Variants in MYH10 observed in about 807,000 individuals in gnomAD.
The protein encoded by MYH10 is myosin heavy chain 10, also known as myosin-10.
Under a neutral mutation model 257.8 loss-of-function variants are expected in MYH10, and 55 were observed. That is an observed-to-expected ratio of 0.21 (90% CI 0.17 to 0.27). The LOEUF (loss-of-function observed/expected upper bound fraction) is 0.27, where lower values mean the gene tolerates loss of function less well. Among genes scored for constraint, MYH10 ranks in the 10% least tolerant of loss-of-function variants. The pLI is 1.00. For missense variants in MYH10, 1,631 were observed against 2,500.6 expected, an observed-to-expected ratio of 0.65 and a Z score of 7.42; for synonymous variants, 854 against 921.7, an observed-to-expected ratio of 0.93 and a Z score of 1.33.
At chr17:8,629,896 C>T (rs1356036502) in intron 1 of MYH10, among the ~76,000 whole-genome samples, 1 of 151,686 alleles carries the variant, frequency 6.6e-6, no homozygotes. Flanking sequence ...TTCCCCGGCG[C>T]CGGCGGAGTC....
intron 36 of MYH10, 147 bp downstream of exon 36, chr17:8,487,286 C>T: frequency 1.1e-6 from 1 of 891,936 alleles, no homozygotes; most frequent in Non-Finnish European, 1.8e-6. Flanking sequence ...ACAGCGGACA[C>T]ACAAGCACTC....
intron 12 of MYH10, 124 bp downstream of exon 12, chr17:8,546,420 T>G: frequency 1.4e-6 from 1 of 703,676 alleles, no homozygotes; most frequent in Non-Finnish European, 2.3e-6. Context: ...ACTCATTTAG[T>G]ACCTAAAAAC....
At position 8,548,801 on chromosome 17, in the gene MYH10, T is replaced by A. The variant is rs933391132; in HGVS notation, c.920-14A>T. On this transcript the variant is annotated splice_polypyrimidine_tract_variant and intron_variant, in intron 9 of 42. Coordinates refer to ENST00000360416, the MANE Select transcript of MYH10 (RefSeq NM_001256012.3). ...GAAGCAAATCAGCTAAAAGGAAATA[T>A]AATGGAAGAAAATTTGATAAATACT... 6.2e-7 allele frequency: 1 copy of A among 1,600,312 alleles called. No homozygotes were observed. Among genetic ancestry groups the A allele is most frequent in the South Asian group, 1.1e-5 (1 of 90,600 alleles).
At chr17:8,512,777 T>C in intron 23 of MYH10, 120 bp from the exon 24 acceptor site, 2 of 770,450 alleles carry the variant, frequency 2.6e-6, no homozygotes, top group African/African-American at 1.8e-5. Context: ...ATATATAACA[T>C]CACGGGAAGA....
intron 4 of MYH10, among the ~76,000 whole-genome samples, chr17:8,588,421 A>G (rs2083992601): frequency 6.6e-6 from 1 of 152,162 alleles, no homozygotes; most frequent in Admixed American, 6.5e-5. Context: ...CCATGTTCCC[A>G]TGTCAGGAGA....
At chr17:8,539,519 G>A (rs2082235686) in intron 14 of MYH10, among the ~76,000 whole-genome samples, 1 of 152,180 alleles carries the variant, frequency 6.6e-6, no homozygotes, top group African/African-American at 2.4e-5. Flanking sequence ...CCAAGGCCAT[G>A]CTATATACTA....
Position 8,487,588 on chromosome 17 carries a change from C to G in MYH10, c.4891G>C (p.Glu1631Gln). The change falls in exon 36 of 43, where the codon GAG becomes CAG. Residue 1631 changes from glutamate (E) to glutamine (Q), a missense_variant. This residue lies in a region of MYH10 where 463 missense variants were observed against 621.8 expected (regional missense o/e 0.74). Transcript: ENST00000360416. ...KKRLLIKQVR[E>Q]LEAELEDERK... Reference sequence around the variant, plus strand: ...TCATCCTCCAGCTCCGCCTCGAGCTCCCGCACCTAATGGACAACATCGGGT... The same window carrying G: ...TCATCCTCCAGCTCCGCCTCGAGCTGCCGCACCTAATGGACAACATCGGGT... 1 of 1,614,184 alleles carries G rather than the reference C, an allele frequency of 6.2e-7. No homozygotes were observed. The highest frequency in any genetic ancestry group is 8.5e-7 in the Non-Finnish European group (1 of 1,180,046).
chr17:8,594,235 AG>A (rs2084276947), intron 3 of MYH10, among the ~76,000 whole-genome samples: 1 of 152,244 alleles, frequency 6.6e-6, no homozygotes, highest in Admixed American at 6.5e-5. Flanking sequence ...GAAAGGACAA[AG>A]AACTCTCAAA....
chr17:8,599,852 A>G lies in MYH10; in HGVS notation c.502+4974T>C, dbSNP rs888426762. Reference sequence around the variant, plus strand: ...CATCAGAGGTGAAGGACTAGGTAAGACCAGCCTTTGACAGGAGTAGACACA... The same window carrying G: ...CATCAGAGGTGAAGGACTAGGTAAGGCCAGCCTTTGACAGGAGTAGACACA... On this transcript the variant is annotated intron_variant, in intron 3 of 42. Transcript: ENST00000360416. Among the ~76,000 whole-genome samples, 4 of 152,196 alleles carry G rather than the reference A, an allele frequency of 2.6e-5. No individual in the cohort carries two copies. In the South Asian group the frequency reaches 8.3e-4, roughly 32 times the overall value.
intron 24 of MYH10, chr17:8,511,031 T>TATATATAC (rs1555578931): frequency 3.9e-4 from 2 of 5,114 alleles, no homozygotes; most frequent in South Asian, 0.014. Flanking sequence ...TATATATATA[T>TATATATAC]ATATATATAT....
chr17:8,523,515 G>A (rs796993240), intron 17 of MYH10, among the ~76,000 whole-genome samples: 1 of 152,140 alleles, frequency 6.6e-6, no homozygotes, highest in Non-Finnish European at 1.5e-5. Context: ...CACTCCAGTC[G>A]GTGCAATCAG....
In MYH10 at chr17:8,535,174, T is replaced by C. The variant is rs756025033; in HGVS notation, c.1894+213A>G. Among the ~76,000 whole-genome samples, 1 of 152,230 alleles carries C rather than the reference T, an allele frequency of 6.6e-6. No individual in the cohort carries two copies. The highest frequency in any genetic ancestry group is 1.5e-5 in the Non-Finnish European group (1 of 68,038). ...AATGTTTCTGTACTCCTACAACATCTGACCAAGAAGGTAGCTGTCTCTGTA... is the reference window on the plus strand; with the variant it reads ...AATGTTTCTGTACTCCTACAACATCCGACCAAGAAGGTAGCTGTCTCTGTA... On this transcript the variant is annotated intron_variant, in intron 16 of 42. Coordinates refer to ENST00000360416, the MANE Select transcript of MYH10 (RefSeq NM_001256012.3). This position sits in a 1 kb window ranked among gnomAD's most constrained non-coding sequence, Gnocchi z 4.3.
At chr17:8,520,650 T>C (rs530999135) in intron 19 of MYH10, among the ~76,000 whole-genome samples, 22 of 152,326 alleles carry the variant, frequency 1.4e-4, no homozygotes, top group African/African-American at 4.1e-4. Context: ...GCAGCGCCCA[T>C]AGCAGTTCCT....
chr17:8,562,774 CAT>C (rs1277564141), intron 7 of MYH10, among the ~76,000 whole-genome samples: 1 of 152,194 alleles, frequency 6.6e-6, no homozygotes, highest in Non-Finnish European at 1.5e-5. Context: ...AGAATTCTCT[CAT>C]ATATAATCAA....
In MYH10 at chr17:8,490,317, G is replaced by A. The variant is rs190961207; in HGVS notation, c.4884+23C>T. ...TTTGAGAGCCTGCACCCCTTGTTGT[G>A]GAGGCCGCACCCTCTGCCCTACCTG... On this transcript the variant is annotated intron_variant, in intron 35 of 42. Coordinates refer to ENST00000360416, the MANE Select transcript of MYH10 (RefSeq NM_001256012.3). This position sits in a 1 kb window ranked among gnomAD's most constrained non-coding sequence, Gnocchi z 4.1. 7,206 of 1,609,098 alleles carry A rather than the reference G, an allele frequency of 4.5e-3. 24 individuals carry two copies. The highest frequency in any genetic ancestry group is 5.7e-3 in the Non-Finnish European group (6,671 of 1,177,882).
chr17:8,550,216 C>T (rs1174249132), intron 9 of MYH10, among the ~76,000 whole-genome samples: 4 of 151,670 alleles, frequency 2.6e-5, no homozygotes, highest in South Asian at 2.1e-4. Flanking sequence ...CGTCTCCACC[C>T]GGCTGCCATC....
intron 21 of MYH10, among the ~76,000 whole-genome samples, chr17:8,517,305 T>A (rs1342624531): frequency 6.6e-6 from 1 of 152,164 alleles, no homozygotes; most frequent in Non-Finnish European, 1.5e-5. Context: ...TTTACCTTCT[T>A]CCGTTTAAAG....
intron 1 of MYH10, among the ~76,000 whole-genome samples, chr17:8,625,761 G>C (rs150219619): frequency 0.015 from 2,298 of 152,216 alleles, 23 homozygotes; most frequent in Non-Finnish European, 0.025. Flanking sequence ...GATTACAAGC[G>C]TGAGCCACCG....
At chr17:8,582,217 G>C (rs2083729782) in intron 4 of MYH10, among the ~76,000 whole-genome samples, 1 of 152,178 alleles carries the variant, frequency 6.6e-6, no homozygotes, top group Non-Finnish European at 1.5e-5. Flanking sequence ...GATGGAAACA[G>C]AGGAGGTAAC....
Sources: allele counts gnomAD v4.1 joint callset (sites outside exome capture counted in the v4.1 genomes callset), GRCh38; gene constraint gnomAD v4.1.1; regional missense constraint gnomAD v4.1.1; non-coding constraint Gnocchi (gnomAD v3.1); transcripts MANE v1.5; gene names NCBI Gene and HGNC (gene_info 2026-07-23, HGNC 2026-07-21).